GLIS3: variants seen among roughly 807,000 people sequenced by gnomAD.
GLIS3 encodes the protein zinc finger protein GLIS3.
Under a neutral mutation model 78.6 loss-of-function variants are expected in GLIS3, and 53 were observed. The ratio of observed to expected loss-of-function variants is 0.67; its 90% CI spans 0.54 to 0.85. The LOEUF (loss-of-function observed/expected upper bound fraction) is 0.85, where lower values mean the gene tolerates loss of function less well. GLIS3 is among the 40% of genes least tolerant of loss of function. The pLI, the probability that GLIS3 is intolerant of heterozygous loss-of-function variation, is 0.00. For synonymous variants in GLIS3, 684 were observed against 509.9 expected (o/e 1.34, Z -4.60); for missense variants, 1,703 against 1,231.1 (o/e 1.38, Z -5.74).
chr9:4,238,276 ATCC>A (rs35588499), intron 2 of GLIS3, among the ~76,000 whole-genome samples: 7,920 of 152,128 alleles, frequency 0.052, 684 homozygotes, highest in African/African-American at 0.18. Flanking sequence ...TCAGTATTTA[ATCC>A]TCCCCCACCC....
chr9:4,470,962 C>G, the GLIS3 span, among the ~76,000 whole-genome samples: 31 of 151,808 alleles, frequency 2.0e-4, 1 homozygote, highest in East Asian at 4.8e-3. Context: ...ACACCAATAA[C>G]AGACAAACAG....
chr9:4,196,955 C>A (rs368818903), intron 2 of GLIS3, among the ~76,000 whole-genome samples: 1 of 152,178 alleles, frequency 6.6e-6, no homozygotes, highest in Admixed American at 6.5e-5. Context: ...AGGCAGAACT[C>A]CAGGCACTTG....
chr9:4,478,184 C>G, the GLIS3 span, among the ~76,000 whole-genome samples: 4 of 152,108 alleles, frequency 2.6e-5, no homozygotes, highest in Admixed American at 2.6e-4. Context: ...ACACGGATGC[C>G]AGAATGAAGG....
At chr9:3,919,276 A>G (rs992149187) in intron 6 of GLIS3, among the ~76,000 whole-genome samples, 1 of 152,234 alleles carries the variant, frequency 6.6e-6, no homozygotes, top group Non-Finnish European at 1.5e-5. Context: ...AAGCCAAAAG[A>G]GCACTGCATG....
chr9:4,429,407 C>T, the GLIS3 span, among the ~76,000 whole-genome samples: 1 of 152,084 alleles, frequency 6.6e-6, no homozygotes, highest in Non-Finnish European at 1.5e-5. Flanking sequence ...TCCCACAGAG[C>T]CTTTGCACAT....
At chr9:3,964,304 A>G (rs1367905633) in intron 4 of GLIS3, among the ~76,000 whole-genome samples, 1 of 152,200 alleles carries the variant, frequency 6.6e-6, no homozygotes, top group Non-Finnish European at 1.5e-5. Context: ...TAATAACAGA[A>G]GCATCTTATA....
rs1333943200 is a variant in GLIS3 at position 4,088,051 on chromosome 9, G to C, written c.1710+29717C>G. Among the ~76,000 whole-genome samples the C allele has an allele frequency of 3.3e-5, 5 of 152,314 alleles. No homozygotes were observed. In the East Asian group the frequency reaches 9.7e-4, roughly 29 times the overall value. ...TTGCCATAGTCGAACTCAGCTCACTGGCTAGACAAGGTGTGAGGATAGCCA... is the reference window on the plus strand; with the variant it reads ...TTGCCATAGTCGAACTCAGCTCACTCGCTAGACAAGGTGTGAGGATAGCCA... On this transcript the variant is annotated intron_variant, in intron 4 of 10. Transcript: ENST00000381971.
At chr9:4,202,237 G>GC (rs1819469843) in intron 2 of GLIS3, among the ~76,000 whole-genome samples, 1 of 136,530 alleles carries the variant, frequency 7.3e-6, no homozygotes, top group East Asian at 2.2e-4. Flanking sequence ...TGCAAGCTCT[G>GC]CCTCCTGGGT....
At chr9:4,432,582 C>G in the GLIS3 span, among the ~76,000 whole-genome samples, 1 of 151,358 alleles carries the variant, frequency 6.6e-6, no homozygotes, top group South Asian at 2.1e-4. Context: ...GCCTTGTGTT[C>G]CAAAAATCTG....
the GLIS3 span, among the ~76,000 whole-genome samples, chr9:4,381,503 G>C: frequency 6.6e-6 from 1 of 152,156 alleles, no homozygotes; most frequent in South Asian, 2.1e-4. Flanking sequence ...GATAAGAGTT[G>C]CATGGTCACA....
At chr9:3,932,259 T>G in intron 6 of GLIS3, 101 bp downstream of exon 6, 26 of 865,050 alleles carry the variant, frequency 3.0e-5, no homozygotes, top group Non-Finnish European at 4.5e-5. Context: ...GGTTATACCA[T>G]GAGAAGTATA....
the GLIS3 span, among the ~76,000 whole-genome samples, chr9:4,377,873 C>T: frequency 8.2e-4 from 125 of 152,006 alleles, no homozygotes; most frequent in Middle Eastern, 3.4e-3. Flanking sequence ...AAGTTTTTAA[C>T]GTAGTTGTAA....
the GLIS3 span, among the ~76,000 whole-genome samples, chr9:4,411,927 A>C: frequency 6.6e-6 from 1 of 152,252 alleles, no homozygotes; most frequent in Admixed American, 6.5e-5. Flanking sequence ...GTATGGTCCT[A>C]ACTAGTTTAG....
intron 1 of GLIS3, among the ~76,000 whole-genome samples, chr9:4,294,322 AAC>A (rs1816289293): frequency 6.6e-6 from 1 of 152,188 alleles, no homozygotes; most frequent in East Asian, 1.9e-4. Context: ...CAGTCTGACT[AAC>A]ACAGTGAAAC....
chr9:4,094,959 T>C (rs1829823717), intron 4 of GLIS3, among the ~76,000 whole-genome samples: 1 of 152,218 alleles, frequency 6.6e-6, no homozygotes, highest in Non-Finnish European at 1.5e-5. Context: ...TCAATACATG[T>C]AATACATAGT....
chr9:4,362,270 A>T, the GLIS3 span, among the ~76,000 whole-genome samples: 2 of 152,074 alleles, frequency 1.3e-5, no homozygotes, highest in Non-Finnish European at 2.9e-5. Flanking sequence ...CTTTCTTTTT[A>T]CCTACTTTCC....
At chr9:3,874,213 G>A (rs1821152406) in intron 8 of GLIS3, among the ~76,000 whole-genome samples, 1 of 152,214 alleles carries the variant, frequency 6.6e-6, no homozygotes, top group Non-Finnish European at 1.5e-5. Context: ...GGGCCAAAGA[G>A]TAAACTGATT....
intron 2 of GLIS3, among the ~76,000 whole-genome samples, chr9:4,192,278 T>C (rs1383791164): frequency 6.6e-6 from 1 of 152,228 alleles, no homozygotes; most frequent in African/African-American, 2.4e-5. Flanking sequence ...TTAGAGTTTC[T>C]TGAGATGAAA....
intron 6 of GLIS3, among the ~76,000 whole-genome samples, chr9:3,905,143 T>TTTA (rs1563834019): frequency 7.4e-6 from 1 of 134,566 alleles, no homozygotes; most frequent in Non-Finnish European, 1.6e-5. Flanking sequence ...CGGTTAAATT[T>TTTA]TTTTCTTTTT....
Sources: allele counts gnomAD v4.1 joint callset (sites outside exome capture counted in the v4.1 genomes callset), GRCh38; gene constraint gnomAD v4.1.1; transcripts MANE v1.5; gene names NCBI Gene and HGNC (gene_info 2026-07-23, HGNC 2026-07-21).